The following KLF15 variants were observed in gnomAD, a reference collection of about 807,000 sequenced individuals.
The protein encoded by KLF15 is KLF transcription factor 15.
A neutral mutation model predicts 24.6 loss-of-function variants in KLF15; 4 were observed. That is an observed-to-expected ratio of 0.16 (90% CI 0.08 to 0.37). KLF15 has a LOEUF of 0.37. Among genes scored for constraint, KLF15 ranks in the 10% least tolerant of loss-of-function variants. The pLI is 1.00. For synonymous variants in KLF15, 246 were observed against 236.3 expected, an observed-to-expected ratio of 1.04 and a Z score of -0.37; for missense variants, 496 against 560.6, an observed-to-expected ratio of 0.88 and a Z score of 1.16.
chr3:126,338,721 T>A (rs574528376), downstream of KLF15, among the ~76,000 whole-genome samples: 4 of 152,234 alleles, frequency 2.6e-5, no homozygotes, highest in Non-Finnish European at 4.4e-5. Flanking sequence ...TTAGACGTAT[T>A]TCTGCAGAAA....
the KLF15 span, among the ~76,000 whole-genome samples, chr3:126,307,341 C>G: frequency 2.6e-4 from 39 of 152,330 alleles, no homozygotes; most frequent in East Asian, 7.4e-3. Flanking sequence ...CACCATCCAG[C>G]GGGCTCACAG....
At chr3:126,320,784 A>G in the KLF15 span, among the ~76,000 whole-genome samples, 2 of 151,570 alleles carry the variant, frequency 1.3e-5, no homozygotes, top group African/African-American at 4.8e-5. Flanking sequence ...ACTCAGCTGG[A>G]AGCAGAGTTC....
At chr3:126,337,791 A>G (rs1156551367), downstream of KLF15, among the ~76,000 whole-genome samples, 1 of 152,214 alleles carries the variant, frequency 6.6e-6, no homozygotes, top group East Asian at 1.9e-4. Context: ...TGACCCTATG[A>G]GGAAGGTACT....
the KLF15 span, among the ~76,000 whole-genome samples, chr3:126,292,941 G>C: frequency 8.6e-5 from 13 of 152,040 alleles, no homozygotes; most frequent in East Asian, 3.9e-4. Flanking sequence ...GGGGCAGAGG[G>C]GGAAAAAGTG....
chr3:126,356,799 C>A lies in KLF15; in HGVS notation c.-26+438G>T, dbSNP rs1166331606. ...TGGGCACCATGCCCTCGTCCCACGC[C>A]CCCCCCTTGCCCCCGACACTGCTGC... On this transcript the variant is annotated intron_variant, in intron 1 of 2. Transcript: ENST00000296233. This position sits in a 1 kb window ranked among gnomAD's most constrained non-coding sequence, Gnocchi z 4.4. Among the ~76,000 whole-genome samples the A allele has an allele frequency of 6.6e-6, 1 of 151,768 alleles. No homozygotes were observed. The highest frequency in any genetic ancestry group is 1.5e-5 in the Non-Finnish European group (1 of 67,868).
At chr3:126,323,673 A>G in the KLF15 span, among the ~76,000 whole-genome samples, 1 of 86,170 alleles carries the variant, frequency 1.2e-5, no homozygotes, top group Non-Finnish European at 2.1e-5. Context: ...ACCCCCCAAC[A>G]GGCACTGGTG....
At chr3:126,308,461 C>T in the KLF15 span, among the ~76,000 whole-genome samples, 1 of 152,162 alleles carries the variant, frequency 6.6e-6, no homozygotes, top group African/African-American at 2.4e-5. Context: ...ACGACCACCT[C>T]ATTCCAGCTG....
At chr3:126,330,323 TGGGC>T in the KLF15 span, among the ~76,000 whole-genome samples, 1 of 152,204 alleles carries the variant, frequency 6.6e-6, no homozygotes, top group Non-Finnish European at 1.5e-5. Flanking sequence ...AGCTTTGAGG[TGGGC>T]TGTCAATTAC....
chr3:126,316,766 T>G, the KLF15 span, among the ~76,000 whole-genome samples: 2 of 150,008 alleles, frequency 1.3e-5, no homozygotes, highest in African/African-American at 2.5e-5. Flanking sequence ...GGGAAGGGAG[T>G]GCACAGGCAG....
the KLF15 span, among the ~76,000 whole-genome samples, chr3:126,322,117 C>T: frequency 6.6e-6 from 1 of 152,166 alleles, no homozygotes; most frequent in Non-Finnish European, 1.5e-5. Flanking sequence ...AAAGCTGAGG[C>T]TTCAGGGACT....
Position 126,352,558 on chromosome 3 carries a change from A to C in KLF15, c.365T>G (p.Leu122Trp). ...AGGATCACCCAAAGGAAACTCGGGC[A>C]AGCAGAAATGCTCCCCCTTCACAGG... ...AAPVKGEHFC[L>W]PEFPLGDPDD... Residue 122 changes from leucine to tryptophan, a missense_variant, in exon 2 of 3, where the codon TTG (leucine) becomes TGG (tryptophan). By Grantham distance (61) the Leu-to-Trp change is moderately conservative (BLOSUM62 -2). Transcript: ENST00000296233. 1.2e-6 allele frequency: 2 copies of C among 1,612,896 alleles called. No individual in the cohort carries two copies. Among genetic ancestry groups the C allele is most frequent in the South Asian group, 2.2e-5 (2 of 91,084 alleles).
At chr3:126,342,072 G>C (rs1363931145), downstream of KLF15, among the ~76,000 whole-genome samples, 2 of 152,276 alleles carry the variant, frequency 1.3e-5, no homozygotes, top group Admixed American at 6.5e-5. Context: ...AAGACCCCAG[G>C]CATGTTGGGG....
rs1203591371 is a variant in KLF15, at chr3:126,343,533, C to T, written c.*194G>A. 3.6e-6 allele frequency: 2 copies of T among 559,108 alleles called. No individual in the cohort carries two copies. The highest frequency in any genetic ancestry group is 6.1e-6 in the Non-Finnish European group (2 of 326,876). 34.6% of individuals were successfully genotyped at this position (559,108 alleles called of 1,614,324 possible). ...GCGCCTGGGGCCCAGCCCCCAGGGA[C>T]GCGGGTTCGAGGCTCTAAGTACTCC... On this transcript the variant is annotated 3_prime_UTR_variant, in exon 3 of 3. Transcript: ENST00000296233.
Position 126,352,604 on chromosome 3 carries a change from G to A in KLF15, c.319C>T (p.Pro107Ser), listed in dbSNP as rs577156627. The change falls in exon 2 of 3, where the codon CCC becomes TCC. Residue 107 changes from proline (P) to serine (S), a missense_variant. By Grantham distance (74) the Pro-to-Ser change is moderately conservative. Around this residue, in one of 3 missense-constraint regions of KLF15, gnomAD observed 399 missense variants for 423.1 expected, o/e 0.94. Transcript: ENST00000296233. ...ACAGGGGCCGCTGCCCTTCGCCAGGGCCCCCAGGCCACGGGGCCACTGCTG... is the reference window on the plus strand; with the variant it reads ...ACAGGGGCCGCTGCCCTTCGCCAGGACCCCCAGGCCACGGGGCCACTGCTG... Reference protein sequence around the residue: ...GASSGPVAWGPWRRAAAPVKG... With the variant: ...GASSGPVAWGSWRRAAAPVKG... 2 of 1,610,106 alleles carry A rather than the reference G, an allele frequency of 1.2e-6. No individual in the cohort carries two copies. Among genetic ancestry groups the A allele is most frequent in the Non-Finnish European group, 8.5e-7 (1 of 1,178,988 alleles).
chr3:126,333,876 C>A, the KLF15 span, among the ~76,000 whole-genome samples: 1 of 147,192 alleles, frequency 6.8e-6, no homozygotes, highest in East Asian at 2.0e-4. Context: ...AGCTAACTAT[C>A]CTAAATATAT....
At chr3:126,350,560 A>C (rs1165592663) in intron 2 of KLF15, among the ~76,000 whole-genome samples, 2 of 152,270 alleles carry the variant, frequency 1.3e-5, no homozygotes, top group Non-Finnish European at 2.9e-5. Flanking sequence ...CACTGGCCAG[A>C]ACCTCTGCCC....
the KLF15 span, among the ~76,000 whole-genome samples, chr3:126,316,330 A>G: frequency 0.013 from 1,930 of 150,898 alleles, 28 homozygotes; most frequent in South Asian, 0.059. Flanking sequence ...AAGAGAGTCC[A>G]TAGTCCAGAG....
At chr3:126,348,297 A>AT (rs1317021261) in intron 2 of KLF15, among the ~76,000 whole-genome samples, 1 of 152,156 alleles carries the variant, frequency 6.6e-6, no homozygotes, top group African/African-American at 2.4e-5. Context: ...ATATGTGTGA[A>AT]TTTTGCTCAG....
the KLF15 span, among the ~76,000 whole-genome samples, chr3:126,331,019 T>C: frequency 6.6e-6 from 1 of 152,268 alleles, no homozygotes; most frequent in African/African-American, 2.4e-5. Context: ...CTGACATGAA[T>C]GGGGCTTGAG....
Sources: allele counts gnomAD v4.1 joint callset (sites outside exome capture counted in the v4.1 genomes callset), GRCh38; gene constraint gnomAD v4.1.1; regional missense constraint gnomAD v4.1.1; non-coding constraint Gnocchi (gnomAD v3.1); transcripts MANE v1.5; gene names NCBI Gene and HGNC (gene_info 2026-07-23, HGNC 2026-07-21).